STXBP5L: variants seen among roughly 807,000 people sequenced by gnomAD.
STXBP5L encodes syntaxin binding protein 5L.
A neutral mutation model predicts 144.5 loss-of-function variants in STXBP5L; 65 were observed. That is an observed-to-expected ratio of 0.45 (90% CI 0.37 to 0.55). The LOEUF is 0.55. STXBP5L is among the 20% of genes least tolerant of loss of function. STXBP5L has a pLI of 0.00. For synonymous variants in STXBP5L, 505 were observed against 469.6 expected (o/e 1.08, Z -0.97); for missense variants, 1,298 against 1,405.5 (o/e 0.92, Z 1.22).
At chr3:121,281,326 C>T (rs1165289926) in intron 19 of STXBP5L, among the ~76,000 whole-genome samples, 1 of 151,920 alleles carries the variant, frequency 6.6e-6, no homozygotes, top group Admixed American at 6.6e-5. Flanking sequence ...ATTTCAGTTT[C>T]TGGAGATTTT....
chr3:120,921,840 C>T, intron 2 of STXBP5L, among the ~76,000 whole-genome samples: 1 of 151,932 alleles, frequency 6.6e-6, no homozygotes, highest in South Asian at 2.1e-4. Flanking sequence ...TTGTTTATGC[C>T]AGTATCATGC....
intron 3 of STXBP5L, among the ~76,000 whole-genome samples, chr3:121,005,260 T>C (rs531361981): frequency 1.1e-4 from 17 of 152,210 alleles, no homozygotes; most frequent in Admixed American, 2.6e-4. Flanking sequence ...ATATTCAACT[T>C]CTTCCTTATT....
At chr3:121,013,584 C>T (rs1181517033) in intron 3 of STXBP5L, among the ~76,000 whole-genome samples, 2 of 151,440 alleles carry the variant, frequency 1.3e-5, no homozygotes, top group East Asian at 1.9e-4. Flanking sequence ...TGTTGGATGC[C>T]TGGTTTGCAA....
intron 12 of STXBP5L, 118 bp downstream of exon 12, chr3:121,233,806 G>A: frequency 1.3e-6 from 1 of 771,034 alleles, no homozygotes; most frequent in South Asian, 2.5e-5. Context: ...TAGAATTACA[G>A]AAATGCACTT....
intron 5 of STXBP5L, among the ~76,000 whole-genome samples, chr3:121,072,946 C>G (rs1560092149): frequency 6.6e-6 from 1 of 152,178 alleles, no homozygotes; most frequent in Non-Finnish European, 1.5e-5. Flanking sequence ...TACTGACTTT[C>G]CTTTGGCTAA....
intron 9 of STXBP5L, among the ~76,000 whole-genome samples, chr3:121,171,695 G>C (rs2046724456): frequency 6.6e-6 from 1 of 152,058 alleles, no homozygotes; most frequent in African/African-American, 2.4e-5. Flanking sequence ...CAAGGAAATA[G>C]GAGAGAACAC....
At chr3:121,249,305 A>C (rs2108358957) in intron 14 of STXBP5L, among the ~76,000 whole-genome samples, 1 of 152,228 alleles carries the variant, frequency 6.6e-6, no homozygotes, top group East Asian at 1.9e-4. Context: ...TTTATATGCC[A>C]TTTAGGGGAA....
intron 19 of STXBP5L, among the ~76,000 whole-genome samples, chr3:121,302,838 C>G (rs28847697): frequency 0.13 from 20,219 of 152,116 alleles, 1,648 homozygotes; most frequent in Middle Eastern, 0.19. Context: ...CTGTAGAAAG[C>G]TGAAACTGGA....
chr3:120,916,936 AATT>A (rs1709131569), intron 2 of STXBP5L, among the ~76,000 whole-genome samples: 1 of 152,218 alleles, frequency 6.6e-6, no homozygotes, highest in Non-Finnish European at 1.5e-5. Context: ...AAAGTTTGAA[AATT>A]ATTAGTAGTA....
At chr3:121,050,458 C>A (rs1947881079) in intron 5 of STXBP5L, among the ~76,000 whole-genome samples, 1 of 152,034 alleles carries the variant, frequency 6.6e-6, no homozygotes, top group Non-Finnish European at 1.5e-5. Flanking sequence ...GAATTTTCAA[C>A]CCAGAATTTC....
intron 2 of STXBP5L, among the ~76,000 whole-genome samples, chr3:120,922,655 G>C (rs140045216): frequency 6.6e-6 from 1 of 152,018 alleles, no homozygotes; most frequent in Non-Finnish European, 1.5e-5. Context: ...CCAGTTTGCT[G>C]AGGGTTTTTC....
chr3:121,312,525 C>T (rs2043576429), intron 19 of STXBP5L, among the ~76,000 whole-genome samples: 2 of 120,326 alleles, frequency 1.7e-5, no homozygotes, highest in South Asian at 2.8e-4. Flanking sequence ...TTGGCAGGGT[C>T]ATAGGACAAT....
chr3:121,095,107 T>C (rs560193798), intron 5 of STXBP5L, among the ~76,000 whole-genome samples: 2 of 152,330 alleles, frequency 1.3e-5, no homozygotes, highest in African/African-American at 4.8e-5. Context: ...GAATGTTGAA[T>C]ATTGGCCCCC....
chr3:121,185,120 G>T (rs2047321604), intron 9 of STXBP5L, among the ~76,000 whole-genome samples: 1 of 152,138 alleles, frequency 6.6e-6, no homozygotes, highest in Admixed American at 6.6e-5. Flanking sequence ...AGATTTTAAA[G>T]ACCATCGACA....
intron 18 of STXBP5L, among the ~76,000 whole-genome samples, chr3:121,268,596 A>G (rs2050646031): frequency 6.6e-6 from 1 of 152,212 alleles, no homozygotes; most frequent in South Asian, 2.1e-4. Flanking sequence ...TTATTACCAT[A>G]TTATATACTT....
chr3:120,990,003 C>A (rs2462024), intron 3 of STXBP5L, among the ~76,000 whole-genome samples: 35,309 of 151,798 alleles, frequency 0.23, 4,234 homozygotes, highest in Non-Finnish European at 0.26. Context: ...AATTAGGAAA[C>A]GAGGAAGTCA....
At chr3:120,985,615 T>C (rs973900621) in intron 3 of STXBP5L, among the ~76,000 whole-genome samples, 2 of 152,046 alleles carry the variant, frequency 1.3e-5, no homozygotes, top group African/African-American at 2.4e-5. Context: ...TGTAGGTCTA[T>C]TCAGATTTTC....
At chr3:121,345,894 T>C (rs1051298907) in intron 20 of STXBP5L, among the ~76,000 whole-genome samples, 5 of 152,106 alleles carry the variant, frequency 3.3e-5, no homozygotes, top group African/African-American at 1.2e-4. Context: ...ACTGCTCATC[T>C]TCAGTACCAC....
At chr3:120,984,632 C>CTTTTTTTT (rs35656223) in intron 3 of STXBP5L, among the ~76,000 whole-genome samples, 18 of 71,954 alleles carry the variant, frequency 2.5e-4, no homozygotes, top group African/African-American at 3.7e-4. Flanking sequence ...TCTTTCTTTC[C>CTTTTTTTT]TTTTTTTTTT....
Sources: allele counts gnomAD v4.1 joint callset (sites outside exome capture counted in the v4.1 genomes callset), GRCh38; gene constraint gnomAD v4.1.1; transcripts MANE v1.5; gene names NCBI Gene and HGNC (gene_info 2026-07-23, HGNC 2026-07-21).